RBFOX1: variants seen among roughly 807,000 people sequenced by gnomAD.
RBFOX1 encodes RNA binding fox-1 homolog 1.
Under a neutral mutation model 57.7 loss-of-function variants are expected in RBFOX1, and 8 were observed. That is an observed-to-expected ratio of 0.14 (90% confidence interval 0.08 to 0.25). The LOEUF is 0.25. Ranked by LOEUF, RBFOX1 falls within the 10% of genes least tolerant of loss-of-function variation. The pLI, the probability that RBFOX1 is intolerant of heterozygous loss-of-function variation, is 1.00. For missense variants in RBFOX1, 611 were observed against 548.5 expected, an observed-to-expected ratio of 1.11 and a Z score of -1.14; for synonymous variants, 326 against 222.4, an observed-to-expected ratio of 1.47 and a Z score of -4.15.
At chr16:5,278,626 C>G (rs901566049) in intron 1 of RBFOX1, among the ~76,000 whole-genome samples, 4 of 152,142 alleles carry the variant, frequency 2.6e-5, no homozygotes, top group Non-Finnish European at 4.4e-5. Flanking sequence ...TCCCATTTGT[C>G]TGATTTTGTT....
At chr16:6,972,895 G>C (rs1350669632) in intron 3 of RBFOX1, among the ~76,000 whole-genome samples, 1 of 152,154 alleles carries the variant, frequency 6.6e-6, no homozygotes, top group Non-Finnish European at 1.5e-5. Context: ...AGGCTGAAGT[G>C]GGTGGATCAC....
chr16:6,752,546 G>T (rs942995606), intron 3 of RBFOX1, among the ~76,000 whole-genome samples: 1 of 152,118 alleles, frequency 6.6e-6, no homozygotes, highest in East Asian at 1.9e-4. Flanking sequence ...GCAAGTTAGC[G>T]CATTCCTAAA....
intron 2 of RBFOX1, chr16:6,483,404 A>G (rs2095406735): frequency 6.5e-7 from 1 of 1,533,888 alleles, no homozygotes; most frequent in Non-Finnish European, 8.7e-7. Flanking sequence ...GGAGTCATTT[A>G]CATTGCTAGC....
chr16:6,671,708 T>A (rs1314156637), intron 3 of RBFOX1, among the ~76,000 whole-genome samples: 2 of 152,202 alleles, frequency 1.3e-5, no homozygotes, highest in African/African-American at 4.8e-5. Flanking sequence ...AGTGAGGACA[T>A]ACGATGTTTG....
At chr16:6,599,163 C>T (rs976137037) in intron 2 of RBFOX1, among the ~76,000 whole-genome samples, 2 of 152,150 alleles carry the variant, frequency 1.3e-5, no homozygotes, top group Admixed American at 6.5e-5. Context: ...AAATTTTTCT[C>T]TTCTAACCCA....
At chr16:6,917,303 A>T (rs572198297) in intron 3 of RBFOX1, among the ~76,000 whole-genome samples, 1 of 152,344 alleles carries the variant, frequency 6.6e-6, no homozygotes, top group Admixed American at 6.5e-5. Flanking sequence ...AACACTGAAC[A>T]GAGGATGTCA....
chr16:5,581,850 G>C (rs1010291276), intron 2 of RBFOX1, among the ~76,000 whole-genome samples: 2 of 152,226 alleles, frequency 1.3e-5, no homozygotes, highest in African/African-American at 4.8e-5. Flanking sequence ...TATTATCTAG[G>C]GACAAAGAGA....
In RBFOX1 at chr16:6,918,938, A is replaced by G. The variant is rs780447990; in HGVS notation, c.-15-133119A>G. Among the ~76,000 whole-genome samples, 89 of 152,068 alleles carry G rather than the reference A, an allele frequency of 5.9e-4. 3 individuals are homozygous for G. Among genetic ancestry groups the G allele is most frequent in the Non-Finnish European group, 2.1e-4 (14 of 67,998 alleles). The stretch of plus-strand genomic sequence containing the variant: ...CTGTGATCTAGTTACGCAGGGTCCT[A>G]TTTCAAACACCATTTCTCCATTTAA... On this transcript the variant is annotated intron_variant, in intron 3 of 15. Coordinates refer to ENST00000550418, the MANE Select transcript of RBFOX1 (RefSeq NM_018723.4).
chr16:6,035,990 G>T (rs1006045317), intron 1 of RBFOX1, among the ~76,000 whole-genome samples: 3 of 152,120 alleles, frequency 2.0e-5, no homozygotes, highest in Non-Finnish European at 4.4e-5. Context: ...CCTCTTTCCT[G>T]AGGTGCTTTA....
At chr16:7,608,927 T>C (rs144428101) in intron 10 of RBFOX1, among the ~76,000 whole-genome samples, 46 of 152,332 alleles carry the variant, frequency 3.0e-4, no homozygotes, top group African/African-American at 1.1e-3. Flanking sequence ...ATGAGAGTAC[T>C]AGTCCTTCAG....
intron 14 of RBFOX1, among the ~76,000 whole-genome samples, chr16:7,689,864 C>G (rs1440333296): frequency 1.3e-5 from 2 of 152,010 alleles, no homozygotes; most frequent in Non-Finnish European, 2.9e-5. Context: ...GGTTTAAAGT[C>G]AACTCTTAGA....
At chr16:6,061,834 A>G (rs964955485) in intron 1 of RBFOX1, among the ~76,000 whole-genome samples, 9 of 152,136 alleles carry the variant, frequency 5.9e-5, no homozygotes, top group Non-Finnish European at 2.9e-5. Context: ...GGGGTGTCCT[A>G]TAATTCAGTG....
chr16:6,409,428 A>G (rs560528964), intron 2 of RBFOX1, among the ~76,000 whole-genome samples: 3 of 152,346 alleles, frequency 2.0e-5, no homozygotes, highest in African/African-American at 4.8e-5. Context: ...ACAAAACAAA[A>G]CAAATAAAAC....
chr16:6,284,797 G>A (rs1291064350), intron 1 of RBFOX1, among the ~76,000 whole-genome samples: 1 of 152,092 alleles, frequency 6.6e-6, no homozygotes, highest in East Asian at 1.9e-4. Flanking sequence ...TTTATGCTAG[G>A]TTGTCTTAGA....
chr16:7,119,342 G>A (rs1287094876), intron 4 of RBFOX1, among the ~76,000 whole-genome samples: 4 of 152,146 alleles, frequency 2.6e-5, no homozygotes. Flanking sequence ...CAGACTTGTG[G>A]AACACCTACT....
intron 2 of RBFOX1, among the ~76,000 whole-genome samples, chr16:6,381,871 G>T (rs1311277969): frequency 6.6e-6 from 1 of 152,226 alleles, no homozygotes; most frequent in East Asian, 1.9e-4. Context: ...TAGGGCACGG[G>T]TTTAATAGCT....
chr16:7,070,793 C>CT (rs972032953), intron 4 of RBFOX1, among the ~76,000 whole-genome samples: 14 of 152,184 alleles, frequency 9.2e-5, no homozygotes, highest in African/African-American at 3.4e-4. Context: ...CCCCCTTCCC[C>CT]TTAGCCATTC....
intron 4 of RBFOX1, among the ~76,000 whole-genome samples, chr16:5,952,348 A>C (rs11641221): frequency 0.49 from 74,956 of 151,628 alleles, 19,046 homozygotes; most frequent in East Asian, 0.6. Flanking sequence ...ATGGGGTTTC[A>C]CCATGTTGAC....
At chr16:6,433,946 C>T (rs1209380388) in intron 2 of RBFOX1, among the ~76,000 whole-genome samples, 2 of 150,448 alleles carry the variant, frequency 1.3e-5, no homozygotes, top group African/African-American at 4.9e-5. Flanking sequence ...CTCCCGGGTT[C>T]AAGCAATTTC....
Sources: gnomAD v4.1 joint callset for allele counts (sites outside exome capture counted in the v4.1 genomes callset) on GRCh38, gnomAD v4.1.1 for gene constraint, MANE v1.5 for transcripts, NCBI Gene and HGNC (gene_info 2026-07-23, HGNC 2026-07-21) for gene names.